ARHGAP44: variants seen among roughly 807,000 people sequenced by gnomAD.
The protein encoded by ARHGAP44 is Rho GTPase activating protein 44, also known as rho GTPase-activating protein 44.
In ARHGAP44, 43 loss-of-function variants were observed where a neutral mutation model predicts 106.8. That is an observed-to-expected ratio of 0.40 (90% CI 0.32 to 0.52). The LOEUF is 0.52. Among genes scored for constraint, ARHGAP44 ranks in the 20% least tolerant of loss-of-function variants. The probability of loss-of-function intolerance (pLI) is 0.48; values close to 1 mark genes in which losing one functional copy is unlikely to be tolerated. For synonymous variants in ARHGAP44, 439 were observed against 410.3 expected (o/e 1.07, Z -0.85); for missense variants, 866 against 1,050.5 (o/e 0.82, Z 2.43).
chr17:12,812,041 G>A (rs1261658801), intron 1 of ARHGAP44, among the ~76,000 whole-genome samples: 2 of 152,126 alleles, frequency 1.3e-5, no homozygotes, highest in Non-Finnish European at 2.9e-5. Context: ...CAGGGCCCAC[G>A]AAGCACACAT....
chr17:12,945,538 C>T (rs1030088164), intron 10 of ARHGAP44, among the ~76,000 whole-genome samples: 2 of 152,076 alleles, frequency 1.3e-5, no homozygotes, highest in Non-Finnish European at 2.9e-5. Context: ...ATGAATCTAG[C>T]ATCTCTCAGT....
rs1567642364 is a variant in ARHGAP44 at position 12,841,632 on chromosome 17, ACACAC to A, written c.53+51742_53+51746del. On this transcript the variant is annotated intron_variant, in intron 1 of 20. Transcript: ENST00000379672. ...CACACACACACACACACACACACAC[ACACAC>A]ACAAACAAACAAACAAAAACCACAC... Among the ~76,000 whole-genome samples, 516 of 117,704 alleles carry A rather than the reference ACACAC, an allele frequency of 4.4e-3. 6 individuals are homozygous for A. The highest frequency in any genetic ancestry group is 5.1e-3 in the Middle Eastern group (1 of 196). The allele number at this position is 117,704 out of a possible 152,430, so 77.2% of individuals were successfully genotyped here.
intron 16 of ARHGAP44, among the ~76,000 whole-genome samples, chr17:12,964,614 C>T (rs1258489757): frequency 1.3e-5 from 2 of 152,160 alleles, no homozygotes; most frequent in Non-Finnish European, 2.9e-5. Flanking sequence ...AACCTCATCT[C>T]TACTAAAAAT....
intron 13 of ARHGAP44, 141 bp downstream of exon 13, chr17:12,952,722 CTTTTTT>C (rs201371135): frequency 1.9e-3 from 587 of 307,628 alleles, no homozygotes; most frequent in South Asian, 0.016. Flanking sequence ...TGCATGGTCT[CTTTTTT>C]TTTTTTTTTT....
chr17:12,943,759 A>G (rs1424936703), intron 9 of ARHGAP44, 90 bp downstream of exon 9: 1 of 1,354,016 alleles, frequency 7.4e-7, no homozygotes, highest in East Asian at 2.3e-5. Context: ...CGTTGGCCCT[A>G]ACACTCTGCC....
intron 7 of ARHGAP44, among the ~76,000 whole-genome samples, chr17:12,930,227 TTCTC>T (rs1035605963): frequency 6.6e-6 from 1 of 152,056 alleles, no homozygotes; most frequent in Non-Finnish European, 1.5e-5. Context: ...TTTTATTCTT[TTCTC>T]TCTCTCTCTT....
At chr17:12,945,494 G>A (rs893370704) in intron 10 of ARHGAP44, among the ~76,000 whole-genome samples, 11 of 152,146 alleles carry the variant, frequency 7.2e-5, no homozygotes, top group Non-Finnish European at 2.9e-5. Flanking sequence ...GTATGAAATA[G>A]TGAGATAGGA....
rs996590002 is a variant in ARHGAP44, at chr17:12,789,588, C to G, written c.-251C>G. The stretch of plus-strand genomic sequence containing the variant: ...GAGCGGGCCGGTGCCGAGGACGGCC[C>G]CAGGCATTGCTCTGCCCCGGGCATT... On this transcript the variant is annotated 5_prime_UTR_variant, in exon 1 of 21. Transcript: ENST00000379672. 3.6e-6 allele frequency: 1 copy of G among 276,096 alleles called. No individual in the cohort carries two copies. Among genetic ancestry groups the G allele is most frequent in the African/African-American group, 2.2e-5 (1 of 44,782 alleles). 17.1% of individuals were successfully genotyped at this position (276,096 alleles called of 1,614,324 possible).
Position 12,829,625 on chromosome 17 carries a change from A to G in ARHGAP44, c.53+39734A>G, listed in dbSNP as rs369081007. The stretch of plus-strand genomic sequence containing the variant: ...ATTATATCACACTCAGCTTTGATCA[A>G]CCTGACCTGTTCGTATTGACATAAT... On this transcript the variant is annotated intron_variant, in intron 1 of 20. Transcript: ENST00000379672. 5.3e-4 allele frequency among the ~76,000 whole-genome samples: 81 copies of G among 152,188 alleles called. 2 individuals carry two copies. In the East Asian group the frequency reaches 8.1e-3, roughly 15 times the overall value.
intron 10 of ARHGAP44, among the ~76,000 whole-genome samples, chr17:12,946,071 C>T (rs768675116): frequency 4.6e-5 from 7 of 152,076 alleles, no homozygotes; most frequent in African/African-American, 9.7e-5. Context: ...AATTTAAAAC[C>T]GAAAAGGTCT....
chr17:12,946,618 G>A (rs1219520374), intron 10 of ARHGAP44, among the ~76,000 whole-genome samples: 1 of 151,960 alleles, frequency 6.6e-6, no homozygotes, highest in African/African-American at 2.4e-5. Context: ...GGCCAACATG[G>A]TGAAACCCCG....
chr17:12,830,024 C>T (rs2035038797), intron 1 of ARHGAP44, among the ~76,000 whole-genome samples: 1 of 152,156 alleles, frequency 6.6e-6, no homozygotes, highest in African/African-American at 2.4e-5. Context: ...AATATGTTAG[C>T]CTTCAGTTAA....
chr17:12,986,067 G>C (rs2039948889), intron 20 of ARHGAP44: 1 of 152,214 alleles, frequency 6.6e-6, no homozygotes, highest in African/African-American at 2.4e-5. Context: ...CTTTGAAAAG[G>C]CTAGTCCAAT....
Position 12,980,452 on chromosome 17 carries a change from G to A in ARHGAP44, c.1939+219G>A, listed in dbSNP as rs868559499. On this transcript the variant is annotated intron_variant, in intron 19 of 20. Coordinates refer to ENST00000379672, the MANE Select transcript of ARHGAP44 (RefSeq NM_014859.6). ...GGTGGGCTCATTAGGGGCGTATAGA[G>A]GCCAGTGCTTCCCATACACCAAATG... Among the ~76,000 whole-genome samples the A allele has an allele frequency of 1.7e-4, 26 of 152,306 alleles. No homozygotes were observed. The Middle Eastern group carries it at 0.01, about 60-fold the overall frequency.
intron 4 of ARHGAP44, among the ~76,000 whole-genome samples, chr17:12,911,516 G>A (rs1169452274): frequency 6.6e-6 from 1 of 152,172 alleles, no homozygotes; most frequent in African/African-American, 2.4e-5. Flanking sequence ...TGCTTACAGT[G>A]CTCAAGAATT....
At chr17:12,868,656 T>C (rs956127332) in intron 1 of ARHGAP44, among the ~76,000 whole-genome samples, 11 of 145,000 alleles carry the variant, frequency 7.6e-5, no homozygotes, top group Non-Finnish European at 1.7e-4. Context: ...ATTTTATTTA[T>C]TTTTTTAATT....
intron 4 of ARHGAP44, among the ~76,000 whole-genome samples, chr17:12,914,153 G>T (rs910178342): frequency 2.6e-5 from 4 of 152,126 alleles, no homozygotes; most frequent in East Asian, 1.9e-4. Context: ...CAAGGAATAT[G>T]AACAGGCACT....
At chr17:12,898,302 A>C (rs919585034) in intron 3 of ARHGAP44, among the ~76,000 whole-genome samples, 1 of 152,178 alleles carries the variant, frequency 6.6e-6, no homozygotes, top group Non-Finnish European at 1.5e-5. Context: ...AGGTTGTTGA[A>C]GTGTGAGCTC....
chr17:12,846,992 G>A (rs971136613), intron 1 of ARHGAP44, among the ~76,000 whole-genome samples: 9 of 152,136 alleles, frequency 5.9e-5, no homozygotes, highest in African/African-American at 1.9e-4. Context: ...ACTAAGTAAC[G>A]CAGTGCAGAC....
Sources: allele counts gnomAD v4.1 joint callset (sites outside exome capture counted in the v4.1 genomes callset), GRCh38; gene constraint gnomAD v4.1.1; transcripts MANE v1.5; gene names NCBI Gene and HGNC (gene_info 2026-07-23, HGNC 2026-07-21).